The following HSPA9 variants were observed in gnomAD, a reference collection of about 807,000 sequenced individuals.
The protein encoded by HSPA9 is stress-70 protein, mitochondrial.
HSPA9 carries 28 observed loss-of-function variants against 81.5 expected under a neutral mutation model. The ratio of observed to expected loss-of-function variants is 0.34; its 90% CI spans 0.25 to 0.47. HSPA9 has a LOEUF of 0.47. HSPA9 is among the 20% of genes least tolerant of loss of function. The pLI, the probability that HSPA9 is intolerant of heterozygous loss-of-function variation, is 1.00. For synonymous variants in HSPA9, 293 were observed against 290.4 expected, an observed-to-expected ratio of 1.01 and a Z score of -0.09; for missense variants, 678 against 838.0, an observed-to-expected ratio of 0.81 and a Z score of 2.36.
intron 3 of HSPA9, 148 bp from the exon 4 acceptor site, chr5:138,571,289 T>A: frequency 1.3e-6 from 1 of 794,186 alleles, no homozygotes; most frequent in East Asian, 2.7e-5. Flanking sequence ...CAAGCGATTC[T>A]TCTGTCTCAG....
chr5:138,572,665 C>T (rs1436962466), intron 3 of HSPA9, among the ~76,000 whole-genome samples: 1 of 152,134 alleles, frequency 6.6e-6, no homozygotes, highest in Non-Finnish European at 1.5e-5. Context: ...TCCTTTCCCC[C>T]CAATCTCCTC....
chr5:138,554,639 A>G lies in HSPA9; in HGVS notation c.*1398T>C, dbSNP rs1338058124. Among the ~76,000 whole-genome samples, 1 of 152,248 alleles carries G rather than the reference A, an allele frequency of 6.6e-6. No individual in the cohort carries two copies. The highest frequency in any genetic ancestry group is 1.5e-5 in the Non-Finnish European group (1 of 68,044). On this transcript the variant is annotated 3_prime_UTR_variant, in exon 17 of 17. Coordinates refer to ENST00000297185, the MANE Select transcript of HSPA9 (RefSeq NM_004134.7). ...ATCTCATTTCTACATATTACAAAACATTATAAAAGGAGCCATTGTGTCTGA... is the reference window on the plus strand; with the variant it reads ...ATCTCATTTCTACATATTACAAAACGTTATAAAAGGAGCCATTGTGTCTGA...
chr5:138,561,494 A>G (rs1223905845), intron 10 of HSPA9, 86 bp downstream of exon 10: 7 of 988,276 alleles, frequency 7.1e-6, no homozygotes, highest in Non-Finnish European at 1.1e-5. Flanking sequence ...CCCCAGCAGA[A>G]TGGGCCATAT....
chr5:138,574,260 T>A, intron 1 of HSPA9, 134 bp from the exon 2 acceptor site: 8 of 695,910 alleles, frequency 1.1e-5, no homozygotes, highest in Admixed American at 9.8e-5. Context: ...CCCAAATAAG[T>A]AAGACGAAAA....
chr5:138,573,925 T>C (rs1366298854), intron 2 of HSPA9, 75 bp from the exon 3 acceptor site: 9 of 1,327,172 alleles, frequency 6.8e-6, no homozygotes, highest in South Asian at 5.9e-5. Context: ...TAATATTTAA[T>C]TGGAAAATTA....
rs1391564497 is a variant in HSPA9, at chr5:138,573,784, A to G, written c.207T>C (p.Val69=). The stretch of plus-strand genomic sequence containing the variant: ...TCACCTTTGCTTGTTTACCTTCCAT[A>G]ACTGCCACGCAGGAGTTGGTAGTAC... ...DLGTTNSCVA[V]MEGKQAKVLE... Residue 69 remains valine (V), a synonymous_variant, in exon 3 of 17, where the codon GTT becomes GTC. Coordinates refer to ENST00000297185, the MANE Select transcript of HSPA9 (RefSeq NM_004134.7). The G allele has an allele frequency of 6.2e-7, 1 of 1,612,034 alleles. No homozygotes were observed. The highest frequency in any genetic ancestry group is 1.1e-5 in the South Asian group (1 of 91,034).
chr5:138,558,193 G>C (rs1195461449), intron 12 of HSPA9, among the ~76,000 whole-genome samples: 1 of 152,192 alleles, frequency 6.6e-6, no homozygotes, highest in Non-Finnish European at 1.5e-5. Context: ...TTTAGCTATA[G>C]CAAGTAACCA....
At chr5:138,562,400 A>AC (rs1750680947) in intron 9 of HSPA9, among the ~76,000 whole-genome samples, 1 of 151,692 alleles carries the variant, frequency 6.6e-6, no homozygotes, top group South Asian at 2.1e-4. Context: ...ATACAAAAAA[A>AC]ATTAGCCGGG....
intron 4 of HSPA9, among the ~76,000 whole-genome samples, chr5:138,569,835 G>C (rs890461288): frequency 1.3e-5 from 2 of 151,814 alleles, no homozygotes; most frequent in African/African-American, 4.8e-5. Context: ...TTACAGACAT[G>C]AGCCACTGCT....
chr5:138,567,083 G>C lies in HSPA9; in HGVS notation c.797C>G (p.Ser266Cys), dbSNP rs763581578. 1 of 1,613,610 alleles carries C rather than the reference G, an allele frequency of 6.2e-7. No homozygotes were observed. The highest frequency in any genetic ancestry group is 8.5e-7 in the Non-Finnish European group (1 of 1,179,818). The change falls in exon 8 of 17, where the codon TCC (serine) becomes TGC (cysteine). Residue 266 changes from serine (S) to cysteine (C), a missense_variant. This residue lies in a region of HSPA9 where 484 missense variants were observed against 647.5 expected (regional missense o/e 0.75). Transcript: ENST00000297185. ...ACCTAAGAAGGTATCCCCATTTGTG[G>C]ATTTCACCTCAAATACTCCTTTCTG... ...EIQKGVFEVK[S>C]TNGDTFLGGE...
intron 1 of HSPA9, 108 bp downstream of exon 1, chr5:138,575,130 C>A: frequency 1.3e-6 from 1 of 746,854 alleles, no homozygotes; most frequent in South Asian, 1.6e-5. Flanking sequence ...TCCCGCCTGA[C>A]CTATACTGGA....
At chr5:138,557,808 G>A (rs1022746390) in intron 13 of HSPA9, 61 bp downstream of exon 13, 12 of 952,742 alleles carry the variant, frequency 1.3e-5, no homozygotes, top group South Asian at 3.9e-5. Context: ...CATTCTAAGA[G>A]GGTCTATTCC....
At chr5:138,556,229 C>CA in intron 16 of HSPA9, 115 bp from the exon 17 acceptor site, 1 of 1,045,028 alleles carries the variant, frequency 9.6e-7, no homozygotes, top group East Asian at 2.4e-5. Context: ...ATTTCTATTC[C>CA]ACTCCCCCTC....
chr5:138,567,811 C>G, intron 5 of HSPA9, 89 bp from the exon 6 acceptor site: 1 of 930,854 alleles, frequency 1.1e-6, no homozygotes, highest in Non-Finnish European at 1.7e-6. Context: ...TTTGCAGCCA[C>G]AGACAACATT....
chr5:138,571,188 G>T (rs376250936), intron 3 of HSPA9, 47 bp from the exon 4 acceptor site: 2 of 1,585,576 alleles, frequency 1.3e-6, no homozygotes, highest in Non-Finnish European at 8.6e-7. Flanking sequence ...GTTATCACTG[G>T]TATGTTTTTT....
Position 138,561,571 on chromosome 5 carries a change from G to T in HSPA9, c.1182+9C>A, listed in dbSNP as rs1420252176. The stretch of plus-strand genomic sequence containing the variant: ...TCTCTCTCCACGACAGAATTCCACT[G>T]GTCCATACCTTGGGCATCCTAGTCA... On this transcript the variant is annotated intron_variant, in intron 10 of 16. Transcript: ENST00000297185. 6.2e-7 allele frequency: 1 copy of T among 1,608,746 alleles called. No individual in the cohort carries two copies. The highest frequency in any genetic ancestry group is 2.2e-5 in the East Asian group (1 of 44,880).
chr5:138,573,343 G>C (rs764806747), intron 3 of HSPA9, among the ~76,000 whole-genome samples: 1 of 152,066 alleles, frequency 6.6e-6, no homozygotes, highest in Admixed American at 6.6e-5. Context: ...CTGATCTATA[G>C]TTATGTTTTT....
intron 15 of HSPA9, 34 bp downstream of exon 15, chr5:138,556,740 T>TCA: frequency 6.3e-7 from 1 of 1,581,090 alleles, no homozygotes; most frequent in South Asian, 1.1e-5. Context: ...AAAAATGTGT[T>TCA]CAACCTCTTG....
Position 138,569,784 on chromosome 5 carries a change from C to T in HSPA9, c.411-735G>A, listed in dbSNP as rs537435601. ...TGGCCTAGATGGTCTTAAACTCAGC[C>T]TCAGACAGTCTTTCCACCTCTGCCT... On this transcript the variant is annotated intron_variant, in intron 4 of 16. Coordinates refer to ENST00000297185, the MANE Select transcript of HSPA9 (RefSeq NM_004134.7). 2.6e-5 allele frequency among the ~76,000 whole-genome samples: 4 copies of T among 152,254 alleles called. No individual in the cohort carries two copies. In the South Asian group the frequency reaches 8.3e-4, roughly 32 times the overall value.
Sources: gnomAD v4.1 joint callset for allele counts (sites outside exome capture counted in the v4.1 genomes callset) on GRCh38, gnomAD v4.1.1 for gene constraint, gnomAD v4.1.1 regional missense constraint, MANE v1.5 for transcripts, NCBI Gene and HGNC (gene_info 2026-07-23, HGNC 2026-07-21) for gene names.